SYNE1: variants seen among roughly 807,000 people sequenced by gnomAD.
SYNE1 encodes the protein spectrin repeat containing nuclear envelope protein 1.
In SYNE1, 616 loss-of-function variants were observed where a neutral mutation model predicts 1,111.0. The ratio of observed to expected loss-of-function variants is 0.55; its 90% CI spans 0.52 to 0.59. The LOEUF (loss-of-function observed/expected upper bound fraction) is 0.59, where lower values mean the gene tolerates loss of function less well. Ranked by LOEUF, SYNE1 falls within the 20% of genes least tolerant of loss-of-function variation. The pLI is 0.00. For missense variants in SYNE1, 10,006 were observed against 10,417.0 expected (o/e 0.96, Z 1.72); for synonymous variants, 3,855 against 3,825.8 (o/e 1.01, Z -0.28).
intron 3 of SYNE1, among the ~76,000 whole-genome samples, chr6:152,618,448 C>A (rs2099667203): frequency 6.6e-6 from 1 of 152,054 alleles, no homozygotes; most frequent in Non-Finnish European, 1.5e-5. Flanking sequence ...AGTCAGTAAA[C>A]AAGTCAACAG....
At chr6:152,589,387 G>A (rs985639197) in intron 3 of SYNE1, among the ~76,000 whole-genome samples, 1 of 152,078 alleles carries the variant, frequency 6.6e-6, no homozygotes, top group East Asian at 1.9e-4. Flanking sequence ...TTATTTTAAA[G>A]TCTTATTTTT....
intron 72 of SYNE1, 126 bp downstream of exon 72, chr6:152,350,042 A>G: frequency 1.6e-6 from 2 of 1,240,482 alleles, no homozygotes; most frequent in Non-Finnish European, 2.3e-6. Flanking sequence ...TTCTCTCAGT[A>G]CAATCATTAT....
intron 92 of SYNE1, 77 bp downstream of exon 92, chr6:152,301,792 C>G: frequency 6.9e-7 from 1 of 1,458,940 alleles, no homozygotes; most frequent in South Asian, 1.4e-5. Flanking sequence ...CTGAAATCAG[C>G]CACGGAGAGG....
chr6:152,159,100 C>T (rs1035286844), intron 131 of SYNE1, among the ~76,000 whole-genome samples: 14 of 152,218 alleles, frequency 9.2e-5, no homozygotes, highest in African/African-American at 3.4e-4. Context: ...TACAGGCGCG[C>T]ACCACCATGC....
chr6:152,139,717 A>AAAAGAAAGAAAGAAAGAAAGAAAG (rs138419982), intron 140 of SYNE1, among the ~76,000 whole-genome samples: 2 of 95,482 alleles, frequency 2.1e-5, no homozygotes, highest in African/African-American at 4.4e-5. Context: ...AAAAGAAAGA[A>AAAAGAAAGAAAGAAAGAAAGAAAG]AAAGAAAGAA....
chr6:152,618,851 T>C (rs949342685), intron 3 of SYNE1, among the ~76,000 whole-genome samples: 1 of 152,212 alleles, frequency 6.6e-6, no homozygotes, highest in African/African-American at 2.4e-5. Flanking sequence ...TAGAAAATTA[T>C]CATTGTCTAT....
chr6:152,612,820 C>T (rs1262864684), intron 3 of SYNE1, among the ~76,000 whole-genome samples: 4 of 152,200 alleles, frequency 2.6e-5, no homozygotes, highest in African/African-American at 9.7e-5. Flanking sequence ...GGCTTCACCC[C>T]TGGGATGCAA....
chr6:152,460,403 G>C (rs1394922017), intron 21 of SYNE1, among the ~76,000 whole-genome samples: 1 of 151,820 alleles, frequency 6.6e-6, no homozygotes, highest in East Asian at 1.9e-4. Context: ...CTTTTTTATG[G>C]TCATGATTTT....
At chr6:152,259,688 T>C (rs980263430) in intron 101 of SYNE1, among the ~76,000 whole-genome samples, 6 of 152,160 alleles carry the variant, frequency 3.9e-5, no homozygotes, top group African/African-American at 1.4e-4. Context: ...TGTTAACACC[T>C]AGAACTTAAA....
At chr6:152,232,074 G>A in intron 113 of SYNE1, 42 bp downstream of exon 113, 1 of 1,409,536 alleles carries the variant, frequency 7.1e-7, no homozygotes, top group Non-Finnish European at 1.0e-6. Flanking sequence ...AAATAAAATG[G>A]TCTGAAAATA....
intron 127 of SYNE1, among the ~76,000 whole-genome samples, chr6:152,200,536 T>C (rs1485153513): frequency 2.0e-5 from 3 of 152,168 alleles, no homozygotes; most frequent in African/African-American, 7.2e-5. Flanking sequence ...TAGCTAGGAC[T>C]ACAGGCAAGC....
chr6:152,134,923 A>G (rs2056698553), intron 142 of SYNE1, 181 bp downstream of exon 142: 1 of 690,252 alleles, frequency 1.4e-6, no homozygotes, highest in Non-Finnish European at 2.4e-6. Context: ...ATCATCTTCT[A>G]TGCACATGTT....
chr6:152,461,151 G>A (rs2098731820), intron 21 of SYNE1, among the ~76,000 whole-genome samples: 1 of 152,124 alleles, frequency 6.6e-6, no homozygotes, highest in African/African-American at 2.4e-5. Flanking sequence ...TCCATGAGAT[G>A]AGGAGGTCAG....
At chr6:152,418,596 G>A (rs912554482) in intron 40 of SYNE1, among the ~76,000 whole-genome samples, 4 of 152,148 alleles carry the variant, frequency 2.6e-5, no homozygotes, top group African/African-American at 4.8e-5. Context: ...ATGTGTTGGG[G>A]AGTCAGAAAA....
At chr6:152,503,586 A>G (rs1224829489) in intron 9 of SYNE1, among the ~76,000 whole-genome samples, 17 of 152,234 alleles carry the variant, frequency 1.1e-4, no homozygotes. Flanking sequence ...ATAGAGCAGA[A>G]AGCAAACCAA....
At chr6:152,472,177 C>G in intron 15 of SYNE1, 124 bp downstream of exon 15, 1 of 792,546 alleles carries the variant, frequency 1.3e-6, no homozygotes, top group South Asian at 1.7e-5. Context: ...TGGGAGCCCG[C>G]TTTCTATTTA....
intron 48 of SYNE1, among the ~76,000 whole-genome samples, 176 bp from the exon 49 acceptor site, chr6:152,398,907 A>G (rs540314638): frequency 2.2e-4 from 33 of 152,354 alleles, no homozygotes; most frequent in African/African-American, 7.7e-4. Flanking sequence ...AGTATGATCT[A>G]CAGCCATGAA....
At position 152,334,134 on chromosome 6, in the gene SYNE1, C is replaced by A. The variant is rs140492158; in HGVS notation, c.12668G>T (p.Arg4223Leu). ...HLNDQWLDLC[R>L]QSNNLCLQRE... ...TTGCAAGCACAGGTTGTTAGACTGA[C>A]GGCACAAATCGAGCCACTGATCATT... The change falls in exon 77 of 146, where the codon CGT becomes CTT. Residue 4223 changes from arginine to leucine, a missense_variant. Transcript: ENST00000367255. 2 of 1,614,150 alleles carry A rather than the reference C, an allele frequency of 1.2e-6. No individual in the cohort carries two copies. The highest frequency in any genetic ancestry group is 4.5e-5 in the East Asian group (2 of 44,882).
rs181829588 is a variant in SYNE1, at chr6:152,144,977, T to C, written c.24977-1212A>G. ...TACGACCTCTTAAATTAAAATTACA[T>C]ATATTTTTTAGAGCTGAAATCTGAT... On this transcript the variant is annotated intron_variant, in intron 137 of 145. Coordinates refer to ENST00000367255, the MANE Select transcript of SYNE1 (RefSeq NM_182961.4). 3.5e-3 allele frequency: 587 copies of C among 166,234 alleles called. 5 individuals carry two copies. The highest frequency in any genetic ancestry group is 3.0e-3 in the Non-Finnish European group (222 of 75,098). 10.3% of individuals were successfully genotyped at this position (166,234 alleles called of 1,614,324 possible).
Sources: allele counts gnomAD v4.1 joint callset (sites outside exome capture counted in the v4.1 genomes callset), GRCh38; gene constraint gnomAD v4.1.1; transcripts MANE v1.5; gene names NCBI Gene and HGNC (gene_info 2026-07-23, HGNC 2026-07-21).